Variants in CNTN5 observed in about 807,000 individuals in gnomAD.
CNTN5 encodes the protein contactin-5.
Under a neutral mutation model 129.1 loss-of-function variants are expected in CNTN5, and 77 were observed. The ratio of observed to expected loss-of-function variants is 0.60; its 90% CI spans 0.50 to 0.72. CNTN5 has a LOEUF of 0.72. CNTN5 is among the 30% of genes least tolerant of loss of function. CNTN5 has a pLI of 0.00. For synonymous variants in CNTN5, 509 were observed against 465.6 expected, an observed-to-expected ratio of 1.09 and a Z score of -1.20; for missense variants, 1,478 against 1,328.8, an observed-to-expected ratio of 1.11 and a Z score of -1.75.
At chr11:99,784,666 T>A (rs1407356624) in intron 3 of CNTN5, among the ~76,000 whole-genome samples, 1 of 152,112 alleles carries the variant, frequency 6.6e-6, no homozygotes, top group African/African-American at 2.4e-5. Flanking sequence ...TCCGCAACGG[T>A]TGAACTGATT....
At chr11:99,543,918 CAAAAAAACAAAAAAAAAAAA>C (rs1948199375) in intron 2 of CNTN5, among the ~76,000 whole-genome samples, 1 of 23,168 alleles carries the variant, frequency 4.3e-5, no homozygotes, top group Non-Finnish European at 9.6e-5. Flanking sequence ...GAGTCTGTCT[CAAAAAAACAAAAAAAAAAAA>C]AAAAAAAAGG....
intron 1 of CNTN5, among the ~76,000 whole-genome samples, chr11:99,170,901 T>C (rs1196420255): frequency 6.6e-6 from 1 of 152,194 alleles, no homozygotes; most frequent in East Asian, 1.9e-4. Context: ...AGTAATGTCA[T>C]GTCAATTTAC....
intron 1 of CNTN5, among the ~76,000 whole-genome samples, chr11:99,295,570 T>C (rs1317616538): frequency 2.0e-5 from 3 of 152,142 alleles, no homozygotes; most frequent in African/African-American, 7.2e-5. Flanking sequence ...TAATCCAGGA[T>C]GTGGGTTAAG....
chr11:100,022,564 G>T (rs1252998869), intron 9 of CNTN5, among the ~76,000 whole-genome samples: 1 of 152,146 alleles, frequency 6.6e-6, no homozygotes, highest in Non-Finnish European at 1.5e-5. Context: ...ATCTTTCAAA[G>T]AGATATAAAT....
chr11:99,721,246 G>A (rs1418493720), intron 3 of CNTN5, among the ~76,000 whole-genome samples: 1 of 152,052 alleles, frequency 6.6e-6, no homozygotes, highest in African/African-American at 2.4e-5. Flanking sequence ...TAGACTACAA[G>A]GCTACAGTAA....
At chr11:99,495,909 T>A (rs1325969550) in intron 2 of CNTN5, among the ~76,000 whole-genome samples, 1 of 152,098 alleles carries the variant, frequency 6.6e-6, no homozygotes, top group African/African-American at 2.4e-5. Context: ...GAAGAAAATG[T>A]TTAGTTTATT....
chr11:99,104,128 A>G (rs1232819029), intron 1 of CNTN5, among the ~76,000 whole-genome samples: 1 of 152,224 alleles, frequency 6.6e-6, no homozygotes, highest in East Asian at 1.9e-4. Flanking sequence ...GAGAAGAAAC[A>G]TGGAGGTAGA....
intron 3 of CNTN5, among the ~76,000 whole-genome samples, chr11:99,757,435 C>T (rs1258173542): frequency 6.6e-6 from 1 of 151,868 alleles, no homozygotes; most frequent in Non-Finnish European, 1.5e-5. Context: ...ACTATAAGTG[C>T]CCCACTCTAA....
intron 6 of CNTN5, among the ~76,000 whole-genome samples, chr11:99,911,797 C>G (rs1268763077): frequency 6.6e-6 from 1 of 151,450 alleles, no homozygotes; most frequent in African/African-American, 2.4e-5. Context: ...TCTGCCAACT[C>G]TATTACCACG....
At chr11:100,318,883 A>G (rs1394221175) in intron 21 of CNTN5, among the ~76,000 whole-genome samples, 1 of 152,210 alleles carries the variant, frequency 6.6e-6, no homozygotes, top group Non-Finnish European at 1.5e-5. Context: ...CTAATTGACT[A>G]AATGCCAATT....
At chr11:100,052,844 T>A (rs34102555) in intron 9 of CNTN5, among the ~76,000 whole-genome samples, 11,046 of 151,670 alleles carry the variant, frequency 0.073, 508 homozygotes, top group East Asian at 0.19. Flanking sequence ...ATCAAGAAAA[T>A]GAGACATTGG....
intron 2 of CNTN5, among the ~76,000 whole-genome samples, chr11:99,354,907 C>A (rs746016176): frequency 2.0e-5 from 3 of 152,294 alleles, no homozygotes; most frequent in East Asian, 1.9e-4. Flanking sequence ...CAGTTTCTGG[C>A]GCTCTTTCCA....
chr11:99,649,889 C>T (rs1952092713), intron 3 of CNTN5, among the ~76,000 whole-genome samples: 1 of 151,568 alleles, frequency 6.6e-6, no homozygotes. Flanking sequence ...TATTTTCAAC[C>T]TTTTTATAAA....
intron 8 of CNTN5, among the ~76,000 whole-genome samples, chr11:99,963,557 G>A (rs899354254): frequency 6.6e-6 from 1 of 152,140 alleles, no homozygotes; most frequent in Non-Finnish European, 1.5e-5. Flanking sequence ...TTTGGTTACT[G>A]TAACCTTGTG....
intron 1 of CNTN5, among the ~76,000 whole-genome samples, chr11:99,230,315 A>G (rs1860926246): frequency 6.6e-6 from 1 of 152,196 alleles, no homozygotes; most frequent in African/African-American, 2.4e-5. Flanking sequence ...AAGTGTGTAT[A>G]TATAGATACA....
intron 1 of CNTN5, among the ~76,000 whole-genome samples, chr11:99,051,243 A>G (rs1049561257): frequency 2.0e-5 from 3 of 151,954 alleles, no homozygotes; most frequent in Non-Finnish European, 4.4e-5. Flanking sequence ...TATTTCAAGA[A>G]AGGCATTTCT....
chr11:99,379,656 G>GA (rs1940405322), intron 2 of CNTN5, among the ~76,000 whole-genome samples: 2 of 152,156 alleles, frequency 1.3e-5, no homozygotes, highest in African/African-American at 2.4e-5. Context: ...TGGAAAGGTA[G>GA]AAAAAAATAT....
chr11:99,879,983 T>C (rs1054905899), intron 6 of CNTN5, among the ~76,000 whole-genome samples: 2 of 152,182 alleles, frequency 1.3e-5, no homozygotes, highest in South Asian at 2.1e-4. Flanking sequence ...ACAAAATTCA[T>C]TGCAGTCTGT....
At chr11:99,944,066 C>A (rs1950503761) in intron 7 of CNTN5, among the ~76,000 whole-genome samples, 1 of 150,564 alleles carries the variant, frequency 6.6e-6, no homozygotes. Context: ...TTTTTTCTAG[C>A]TCTTTGAAGA....
Sources: allele counts gnomAD v4.1 joint callset (sites outside exome capture counted in the v4.1 genomes callset), GRCh38; gene constraint gnomAD v4.1.1; transcripts MANE v1.5; gene names NCBI Gene and HGNC (gene_info 2026-07-23, HGNC 2026-07-21).